DNMT3A: variants seen among roughly 807,000 people sequenced by gnomAD.
DNMT3A encodes DNA (cytosine-5)-methyltransferase 3A.
A neutral mutation model predicts 117.6 loss-of-function variants in DNMT3A; 267 were observed. The ratio of observed to expected loss-of-function variants is 2.27; its 90% confidence interval spans 2.05 to 2.51. The LOEUF is 2.51. DNMT3A is among the 30% of genes most tolerant of loss of function. DNMT3A has a pLI of 0.00. For missense variants in DNMT3A, 1,029 were observed against 1,260.2 expected (o/e 0.82, Z 2.78); for synonymous variants, 432 against 474.8 (o/e 0.91, Z 1.17).
rs557333071 is a variant in DNMT3A at position 25,333,482 on chromosome 2, A to C, written c.-178+8344T>G. Among the ~76,000 whole-genome samples, 3 of 151,788 alleles carry C rather than the reference A, an allele frequency of 2.0e-5. No individual in the cohort carries two copies. The East Asian group carries it at 5.8e-4, about 29-fold the overall frequency. On this transcript the variant is annotated intron_variant, in intron 1 of 22. Coordinates refer to ENST00000321117, the MANE Select transcript of DNMT3A (RefSeq NM_022552.5). ...GTAGCTGGGATTACAGGCGTGCACCATCACACCCAGCTAAATTTTTGTATT... is the reference window on the plus strand; with the variant it reads ...GTAGCTGGGATTACAGGCGTGCACCCTCACACCCAGCTAAATTTTTGTATT...
At position 25,274,914 on chromosome 2, in the gene DNMT3A, T is replaced by TG. The variant is rs780653214; in HGVS notation, c.639+26dup. 2.5e-6 allele frequency: 4 copies of TG among 1,596,634 alleles called. No individual in the cohort carries two copies. In the East Asian group the frequency reaches 9.0e-5, roughly 36 times the overall value. Reference sequence around the variant, plus strand: ...GGTTTTCCAGTTCTGCAGGACGGGCTGGGGCCCAGGCCAGAAGGCGCCTCA... The same window carrying TG: ...GGTTTTCCAGTTCTGCAGGACGGGCTGGGGGCCCAGGCCAGAAGGCGCCTCA... On this transcript the variant is annotated intron_variant, in intron 6 of 22. Transcript: ENST00000321117.
chr2:25,277,320 G>A (rs1050516384), intron 4 of DNMT3A, among the ~76,000 whole-genome samples: 4 of 152,186 alleles, frequency 2.6e-5, no homozygotes, highest in African/African-American at 4.8e-5. Flanking sequence ...AGCCTGTCCG[G>A]GGCCTCCCCG....
Position 25,281,925 on chromosome 2 carries a change from T to C in DNMT3A, c.448+516A>G, listed in dbSNP as rs1230714692. On this transcript the variant is annotated intron_variant, in intron 4 of 22. Transcript: ENST00000321117. This position sits in a 1 kb window ranked among gnomAD's most constrained non-coding sequence, Gnocchi z 4.8. The stretch of plus-strand genomic sequence containing the variant: ...GCCCAACTAGGGTGGGCTCAGGACC[T>C]CTGCACTCAGGGAGGCAAACAGGGT... 9.3e-7 allele frequency: 1 copy of C among 1,079,784 alleles called. No homozygotes were observed. Among genetic ancestry groups the C allele is most frequent in the African/African-American group, 1.6e-5 (1 of 61,186 alleles). 66.9% of individuals were successfully genotyped at this position (1,079,784 alleles called of 1,614,324 possible). A position where few individuals can be genotyped will look rare whatever the true frequency, so the allele number is the denominator to read the frequency against.
intron 3 of DNMT3A, among the ~76,000 whole-genome samples, chr2:25,295,688 A>G (rs540676085): frequency 6.6e-6 from 1 of 152,326 alleles, no homozygotes. Context: ...TGCAGTTGGG[A>G]GGTGTGAAGT....
chr2:25,310,808 G>A (rs1262269556), intron 2 of DNMT3A, among the ~76,000 whole-genome samples: 10 of 152,318 alleles, frequency 6.6e-5, no homozygotes, highest in Non-Finnish European at 4.4e-5. Context: ...AGTATCCCCT[G>A]GAGGGATGGT....
intron 20 of DNMT3A, among the ~76,000 whole-genome samples, chr2:25,238,411 C>A (rs999154019): frequency 1.3e-5 from 2 of 152,172 alleles, no homozygotes; most frequent in East Asian, 3.8e-4. Context: ...AAGCAGCCCA[C>A]CATGGAGGTT....
intron 16 of DNMT3A, among the ~76,000 whole-genome samples, chr2:25,243,624 T>C (rs1010822107): frequency 1.3e-5 from 2 of 152,244 alleles, no homozygotes; most frequent in Non-Finnish European, 2.9e-5. Context: ...TGAATCTGAC[T>C]AATGATCACT....
In DNMT3A at chr2:25,300,711, TAATATATATA is replaced by T. The variant is rs1234559987; in HGVS notation, c.73-478_73-469del. On this transcript the variant is annotated intron_variant, in intron 2 of 22. Transcript: ENST00000321117. ...TATATATTTATATATCTAAATAATA[TAATATATATA>T]TATATATATATATATATATATATAT... 9.5e-4 allele frequency among the ~76,000 whole-genome samples: 40 copies of T among 42,048 alleles called. 2 individuals are homozygous for T. Among genetic ancestry groups the T allele is most frequent in the African/African-American group, 1.6e-3 (15 of 9,336 alleles). The allele number at this position is 42,048 out of a possible 152,430, so 27.6% of individuals were successfully genotyped here.
chr2:25,264,428 C>T lies in DNMT3A; in HGVS notation c.639+10513G>A, dbSNP rs565378060. Among the ~76,000 whole-genome samples, 528 of 151,840 alleles carry T rather than the reference C, an allele frequency of 3.5e-3. 4 individuals are homozygous for T. The highest frequency in any genetic ancestry group is 0.012 in the African/African-American group (509 of 41,390). ...GTGTTGGGATTACAGGCGTGAGCCA[C>T]TGTGCTGGGCCAAAGGTTTTTTTTT... On this transcript the variant is annotated intron_variant, in intron 6 of 22. Transcript: ENST00000321117.
In DNMT3A at chr2:25,254,964, TC is replaced by T. The variant is rs1353280210; in HGVS notation, c.640-6713del. 6.6e-6 allele frequency among the ~76,000 whole-genome samples: 1 copy of T among 152,138 alleles called. No individual in the cohort carries two copies. The highest frequency in any genetic ancestry group is 1.5e-5 in the Non-Finnish European group (1 of 68,030). On this transcript the variant is annotated intron_variant, in intron 6 of 22. Coordinates refer to ENST00000321117, the MANE Select transcript of DNMT3A (RefSeq NM_022552.5). This position sits in a 1 kb window ranked among gnomAD's most constrained non-coding sequence, Gnocchi z 4.7. Reference sequence around the variant, plus strand: ...AGCTGTTCCCTCCGGCCGTCAAACTTCCTTATTCTCATCCTTTAACATTAAA... The same window carrying T: ...AGCTGTTCCCTCCGGCCGTCAAACTTCTTATTCTCATCCTTTAACATTAAA...
At chr2:25,263,064 A>G (rs1406929049) in intron 6 of DNMT3A, among the ~76,000 whole-genome samples, 1 of 152,138 alleles carries the variant, frequency 6.6e-6, no homozygotes, top group African/African-American at 2.4e-5. Context: ...CCTCCTGAGT[A>G]GCTGGGACCA....
chr2:25,234,518 C>A lies in DNMT3A; in HGVS notation c.2598-98G>T. ...ACAGCAGGACCCGGAGGACCAGCAG[C>A]CACCCGAAGTGCAGGGACAGGGGCA... On this transcript the variant is annotated intron_variant, in intron 22 of 22. Transcript: ENST00000321117. This position sits in a 1 kb window ranked among gnomAD's most constrained non-coding sequence, Gnocchi z 4.5. 1 of 1,411,560 alleles carries A rather than the reference C, an allele frequency of 7.1e-7. No homozygotes were observed. Among genetic ancestry groups the A allele is most frequent in the Admixed American group, 2.5e-5 (1 of 40,284 alleles). The allele number at this position is 1,411,560 out of a possible 1,614,324, so 87.4% of individuals were successfully genotyped here.
At chr2:25,323,274 G>A (rs970643531) in intron 1 of DNMT3A, among the ~76,000 whole-genome samples, 2 of 152,194 alleles carry the variant, frequency 1.3e-5, no homozygotes, top group African/African-American at 4.8e-5. Flanking sequence ...TGAAGACAGA[G>A]GGATAAAGCG....
intron 6 of DNMT3A, among the ~76,000 whole-genome samples, chr2:25,267,225 G>A (rs952966035): frequency 1.3e-5 from 2 of 152,162 alleles, no homozygotes. Context: ...ACACGGATAG[G>A]AAAAAATCAT....
chr2:25,261,438 C>CAAA (rs1299589500), intron 6 of DNMT3A, among the ~76,000 whole-genome samples: 48 of 30,022 alleles, frequency 1.6e-3, no homozygotes, highest in Non-Finnish European at 2.3e-3. Context: ...GACTCTGTCT[C>CAAA]AAAAAAAAAA....
intron 1 of DNMT3A, among the ~76,000 whole-genome samples, chr2:25,336,282 T>G (rs1464170398): frequency 6.6e-6 from 1 of 152,170 alleles, no homozygotes; most frequent in Non-Finnish European, 1.5e-5. Flanking sequence ...GAACCTGACG[T>G]CTTCACCCCC....
At position 25,239,205 on chromosome 2, in the gene DNMT3A, A is replaced by G; in HGVS notation, c.2333T>C (p.Val778Ala). The change falls in exon 20 of 23, where the codon GTG (valine) becomes GCG (alanine). Residue 778 changes from valine to alanine, a missense_variant. By Grantham distance (64) the Val-to-Ala change is moderately conservative. Coordinates refer to ENST00000321117, the MANE Select transcript of DNMT3A (RefSeq NM_022552.5). ...TGACACTTCTTTGGCATCAATCATC[A>G]CAGGGTTGGACTACAAAACAGGAGA... ...DISRFLESNP[V>A]MIDAKEVSAA... 1 of 1,613,850 alleles carries G rather than the reference A, an allele frequency of 6.2e-7. No individual in the cohort carries two copies. The highest frequency in any genetic ancestry group is 8.5e-7 in the Non-Finnish European group (1 of 1,179,858).
Position 25,337,891 on chromosome 2 carries a change from G to A in DNMT3A, c.-178+3935C>T, listed in dbSNP as rs1249848623. Among the ~76,000 whole-genome samples, 1 of 152,216 alleles carries A rather than the reference G, an allele frequency of 6.6e-6. No individual in the cohort carries two copies. The highest frequency in any genetic ancestry group is 2.4e-5 in the African/African-American group (1 of 41,456). ...CCTGCTCAGGAACAGCAAAGTCCCT[G>A]CAGAAACCCAGCCTCAGGCCAGGTG... On this transcript the variant is annotated intron_variant, in intron 1 of 22. Transcript: ENST00000321117. This position sits in a 1 kb window ranked among gnomAD's most constrained non-coding sequence, Gnocchi z 5.0.
In DNMT3A at chr2:25,236,935, C is replaced by T. The variant is rs762213449; in HGVS notation, c.2478+1G>A. The T allele has an allele frequency of 6.2e-6, 10 of 1,612,460 alleles. No homozygotes were observed. The highest frequency in any genetic ancestry group is 2.2e-5 in the South Asian group (2 of 90,610). Reference sequence around the variant, plus strand: ...CAGAGGTTCTAGACGCTGGAGCTGACCTTGGCTATCCTGCCATGCTCCAGA... The same window carrying T: ...CAGAGGTTCTAGACGCTGGAGCTGATCTTGGCTATCCTGCCATGCTCCAGA... On this transcript the variant is annotated splice_donor_variant, in intron 21 of 22. Transcript: ENST00000321117. LOFTEE classifies it high-confidence loss of function. The surrounding 1 kb of genome is among the most constrained non-coding windows in gnomAD (Gnocchi z 4.5).
Sources: allele counts gnomAD v4.1 joint callset (sites outside exome capture counted in the v4.1 genomes callset), GRCh38; gene constraint gnomAD v4.1.1; non-coding constraint Gnocchi (gnomAD v3.1); transcripts MANE v1.5; gene names NCBI Gene and HGNC (gene_info 2026-07-23, HGNC 2026-07-21).